Variants in ASTN2 observed in about 807,000 individuals in gnomAD.
ASTN2 encodes astrotactin-2.
ASTN2 carries 54 observed loss-of-function variants against 139.8 expected under a neutral mutation model. The ratio of observed to expected loss-of-function variants is 0.39; its 90% CI spans 0.31 to 0.48. The LOEUF is 0.48. ASTN2 is among the 20% of genes least tolerant of loss of function. ASTN2 has a pLI of 0.95. For synonymous variants in ASTN2, 756 were observed against 719.5 expected, an observed-to-expected ratio of 1.05 and a Z score of -0.81; for missense variants, 1,565 against 1,725.1, an observed-to-expected ratio of 0.91 and a Z score of 1.64.
At chr9:117,324,087 G>A (rs7850946) in intron 1 of ASTN2, among the ~76,000 whole-genome samples, 68,839 of 151,818 alleles carry the variant, frequency 0.45, 15,711 homozygotes, top group Non-Finnish European at 0.48. Context: ...TTGATGGGAC[G>A]AGCAACAGGT....
chr9:117,355,503 A>G (rs1460346090), intron 1 of ASTN2, among the ~76,000 whole-genome samples: 2 of 152,172 alleles, frequency 1.3e-5, no homozygotes, highest in Non-Finnish European at 2.9e-5. Context: ...GGCTCGCCAC[A>G]TGTAATGTAC....
intron 10 of ASTN2, among the ~76,000 whole-genome samples, chr9:116,880,858 C>T (rs976036204): frequency 2.6e-5 from 4 of 152,106 alleles, no homozygotes; most frequent in African/African-American, 9.7e-5. Flanking sequence ...ATGACCCCCG[C>T]CTTCAAGAAG....
chr9:117,315,480 A>G (rs1828116368), intron 1 of ASTN2, among the ~76,000 whole-genome samples: 1 of 152,246 alleles, frequency 6.6e-6, no homozygotes, highest in Non-Finnish European at 1.5e-5. Flanking sequence ...GCTTCTTACC[A>G]GACCTGAGAA....
intron 16 of ASTN2, among the ~76,000 whole-genome samples, chr9:116,692,361 A>C (rs1860614430): frequency 6.6e-6 from 1 of 152,182 alleles, no homozygotes; most frequent in Non-Finnish European, 1.5e-5. Flanking sequence ...TTCTTCTAAT[A>C]GGTTGGGTGG....
At chr9:116,829,885 C>G (rs1831755577) in intron 11 of ASTN2, among the ~76,000 whole-genome samples, 1 of 152,150 alleles carries the variant, frequency 6.6e-6, no homozygotes, top group Non-Finnish European at 1.5e-5. Flanking sequence ...TTAAAAACCT[C>G]AAAATGGATT....
rs114393713 is a variant in ASTN2 at position 117,331,652 on chromosome 9, C to G, written c.443-40139G>C. Among the ~76,000 whole-genome samples the G allele has an allele frequency of 4.9e-3, 741 of 152,242 alleles. 5 individuals are homozygous for G. The highest frequency in any genetic ancestry group is 0.017 in the African/African-American group (702 of 41,552). On this transcript the variant is annotated intron_variant, in intron 1 of 22. Coordinates refer to ENST00000313400, the MANE Select transcript of ASTN2 (RefSeq NM_001365068.1). The stretch of plus-strand genomic sequence containing the variant: ...AAGCACATGGCCTATGGTGGGTGCT[C>G]TTGGAATATTAGCGATTTTCAACAC...
At chr9:116,568,513 G>A (rs41266665) in intron 19 of ASTN2, 24,210 of 152,096 alleles carry the variant, frequency 0.16, 2,098 homozygotes, top group African/African-American at 0.21. Context: ...ACAGAGCTAC[G>A]TAATGCCAGA....
At chr9:116,906,789 G>A (rs1834173146) in intron 10 of ASTN2, among the ~76,000 whole-genome samples, 2 of 152,030 alleles carry the variant, frequency 1.3e-5, no homozygotes, top group Admixed American at 1.3e-4. Flanking sequence ...GAATATGGAG[G>A]GAAAGACTTG....
At chr9:116,815,621 C>T (rs1831292503) in intron 12 of ASTN2, among the ~76,000 whole-genome samples, 1 of 150,600 alleles carries the variant, frequency 6.6e-6, no homozygotes, top group Admixed American at 6.6e-5. Context: ...CTGGCAAACA[C>T]GGTGAAACCC....
At chr9:117,269,868 G>C (rs1490229954) in intron 2 of ASTN2, among the ~76,000 whole-genome samples, 1 of 152,154 alleles carries the variant, frequency 6.6e-6, no homozygotes, top group Admixed American at 6.5e-5. Context: ...CTGTCCCAAT[G>C]GTTTCACTTT....
chr9:116,808,487 A>G (rs1052192993), intron 12 of ASTN2, among the ~76,000 whole-genome samples: 19 of 152,322 alleles, frequency 1.2e-4, no homozygotes, highest in African/African-American at 4.1e-4. Flanking sequence ...TTTTCAAAAC[A>G]CTATATATAT....
At chr9:117,095,704 C>T (rs972637821) in intron 5 of ASTN2, among the ~76,000 whole-genome samples, 2 of 152,196 alleles carry the variant, frequency 1.3e-5, no homozygotes. Context: ...TGCATCAACC[C>T]AACCTGGGTT....
intron 3 of ASTN2, 61 bp from the exon 4 acceptor site, chr9:117,141,539 T>G: frequency 7.6e-7 from 1 of 1,312,436 alleles, no homozygotes; most frequent in East Asian, 4.7e-5. Flanking sequence ...CCTAGAGCAC[T>G]GGGGCTGAAG....
rs541027268 is a variant in ASTN2 at position 117,214,445 on chromosome 9, G to A, written c.928C>T (p.Arg310Cys). 1.9e-6 allele frequency: 3 copies of A among 1,614,102 alleles called. No individual in the cohort carries two copies. Among genetic ancestry groups the A allele is most frequent in the East Asian group, 2.2e-5 (1 of 44,854 alleles). The change falls in exon 3 of 23, where the codon CGC becomes TGC. Residue 310 changes from arginine to cysteine, a missense_variant. Arg to Cys is a radical substitution (Grantham distance 180). This residue lies in a region of ASTN2 where 596 missense variants were observed against 576.8 expected (regional missense o/e 1.03). Coordinates refer to ENST00000313400, the MANE Select transcript of ASTN2 (RefSeq NM_001365068.1). ...EPPRRANHVS[R>C]EDEFGSQVTH... The stretch of plus-strand genomic sequence containing the variant: ...ACCTGGCTGCCAAACTCGTCCTCGC[G>A]GGAGACATGGTTGGCCCGCCTAGGT...
chr9:116,854,692 C>T (rs971607533), intron 11 of ASTN2, among the ~76,000 whole-genome samples: 17 of 150,988 alleles, frequency 1.1e-4, no homozygotes, highest in African/African-American at 4.1e-4. Flanking sequence ...CCCTCTGTCC[C>T]CCAGGCTGGA....
chr9:117,228,786 G>A (rs902141118), intron 2 of ASTN2, among the ~76,000 whole-genome samples: 15 of 151,992 alleles, frequency 9.9e-5, no homozygotes, highest in African/African-American at 3.1e-4. Context: ...AGGCCGAGGC[G>A]GGTGGATCAC....
intron 4 of ASTN2, among the ~76,000 whole-genome samples, chr9:117,096,526 C>T (rs1045339005): frequency 1.3e-5 from 2 of 152,180 alleles, no homozygotes; most frequent in African/African-American, 4.8e-5. Flanking sequence ...GCTATTGTTG[C>T]TTTTGGTGAT....
chr9:117,063,890 A>G (rs11789058), intron 5 of ASTN2, among the ~76,000 whole-genome samples: 74,477 of 151,788 alleles, frequency 0.49, 18,931 homozygotes, highest in African/African-American at 0.6. Flanking sequence ...AGATGAAAGC[A>G]GAGCTAGCCG....
chr9:116,939,430 T>C (rs1835167078), intron 10 of ASTN2, among the ~76,000 whole-genome samples: 1 of 152,154 alleles, frequency 6.6e-6, no homozygotes, highest in Admixed American at 6.5e-5. Context: ...TTATTCCAAC[T>C]CTTCTGACCC....
Sources: gnomAD v4.1 joint callset for allele counts (sites outside exome capture counted in the v4.1 genomes callset) on GRCh38, gnomAD v4.1.1 for gene constraint, gnomAD v4.1.1 regional missense constraint, MANE v1.5 for transcripts, NCBI Gene and HGNC (gene_info 2026-07-23, HGNC 2026-07-21) for gene names.